MDH1B: variants seen among roughly 807,000 people sequenced by gnomAD.
MDH1B encodes the protein putative malate dehydrogenase 1B.
MDH1B carries 60 observed loss-of-function variants against 61.4 expected under a neutral mutation model. That is an observed-to-expected ratio of 0.98 (90% CI 0.79 to 1.21). The LOEUF is 1.21. MDH1B is among the 50% of genes most tolerant of loss of function. MDH1B has a pLI of 0.00. For synonymous variants in MDH1B, 236 were observed against 218.7 expected, an observed-to-expected ratio of 1.08 and a Z score of -0.70; for missense variants, 587 against 632.1, an observed-to-expected ratio of 0.93 and a Z score of 0.76.
rs764044888 is a variant in MDH1B at position 206,739,648 on chromosome 2, T to C, written c.1473A>G (p.Pro491=). The C allele has an allele frequency of 1.2e-6, 2 of 1,614,070 alleles. No homozygotes were observed. Among genetic ancestry groups the C allele is most frequent in the Admixed American group, 3.3e-5 (2 of 60,006 alleles). The part of the protein sequence containing the change: ...NLAMSDAAEF[P]NQIPQTTFEK... ...CAAAGGTGGTTTGAGGAATCTGATTTGGAAACTCTGCTGCTGCAAATAGAG... is the reference window on the plus strand; with the variant it reads ...CAAAGGTGGTTTGAGGAATCTGATTCGGAAACTCTGCTGCTGCAAATAGAG... Residue 491 remains proline, a synonymous_variant, in exon 11 of 12, where the codon CCA becomes CCG. Transcript: ENST00000374412.
At chr2:206,745,708 C>T in intron 8 of MDH1B, 35 bp from the exon 9 acceptor site, 1 of 1,377,946 alleles carries the variant, frequency 7.3e-7, no homozygotes, top group Non-Finnish European at 1.0e-6. Context: ...ATTAAATGAC[C>T]ACAATTCCTA....
At chr2:206,760,769 A>C (rs2105954865) in intron 2 of MDH1B, 132 bp downstream of exon 2, 1 of 564,370 alleles carries the variant, frequency 1.8e-6, no homozygotes. Context: ...GACTTGTTTT[A>C]CTAGTATTCA....
chr2:206,741,069 G>T lies in MDH1B; in HGVS notation c.1444C>A (p.Leu482Ile), dbSNP rs766729679. ...ACTGACTTACCATCTGACATAGCTAGATTTTTTTCTTCATCAGGGACCAGA... is the reference window on the plus strand; with the variant it reads ...ACTGACTTACCATCTGACATAGCTATATTTTTTTCTTCATCAGGGACCAGA... Reference protein sequence around the residue: ...KDLVPDEEKNLAMSDAAEFPN... With the variant: ...KDLVPDEEKNIAMSDAAEFPN... Residue 482 changes from leucine to isoleucine, a missense_variant, in exon 10 of 12, where the codon CTA becomes ATA. Leu to Ile is a conservative substitution (Grantham distance 5, BLOSUM62 2). Coordinates refer to ENST00000374412, the MANE Select transcript of MDH1B (RefSeq NM_001039845.3). The T allele has an allele frequency of 1.4e-5, 22 of 1,612,964 alleles. No homozygotes were observed. Among genetic ancestry groups the T allele is most frequent in the Non-Finnish European group, 1.8e-5 (21 of 1,179,520 alleles).
intron 2 of MDH1B, 22 bp downstream of exon 2, chr2:206,760,879 A>G: frequency 7.0e-7 from 1 of 1,419,668 alleles, no homozygotes; most frequent in South Asian, 1.2e-5. Context: ...AGTGAGTTCA[A>G]CAAACTATAA....
chr2:206,751,020 C>G lies in MDH1B; in HGVS notation c.966G>C (p.Leu322=). 6.2e-7 allele frequency: 1 copy of G among 1,609,682 alleles called. No individual in the cohort carries two copies. The highest frequency in any genetic ancestry group is 1.1e-5 in the South Asian group (1 of 90,432). The change falls in exon 6 of 12, where the codon CTG becomes CTC. Residue 322 remains leucine (L), a synonymous_variant. Transcript: ENST00000374412. ...CATATCTGTACACCCTTGTTTTTCT[C>G]AGATCAACGTAATTATTTCCACTGA... ...GNISGNNYVD[L]RKTRVYRYES...
intron 9 of MDH1B, 41 bp downstream of exon 9, chr2:206,745,579 CTT>C: frequency 7.0e-7 from 1 of 1,419,858 alleles, no homozygotes; most frequent in Non-Finnish European, 9.9e-7. Context: ...TTTTAATACT[CTT>C]TTAATAGCAG....
At chr2:206,739,566 C>T in intron 11 of MDH1B, 27 bp downstream of exon 11, 1 of 1,593,128 alleles carries the variant, frequency 6.3e-7, no homozygotes, top group Non-Finnish European at 8.6e-7. Flanking sequence ...TAAGAAAATA[C>T]TAGTTAATGT....
chr2:206,764,030 G>T (rs1689270091), intron 1 of MDH1B, among the ~76,000 whole-genome samples: 1 of 152,084 alleles, frequency 6.6e-6, no homozygotes, highest in African/African-American at 2.4e-5. Context: ...CAGGTGTGGT[G>T]GTGCATGCCT....
In MDH1B at chr2:206,755,472, GGGAATTAGGTTGTAGCAGGCA is replaced by G. The variant is rs748221154; in HGVS notation, c.426_446del (p.Ala143_Pro149del). On this transcript the variant is annotated inframe_deletion, in exon 5 of 12. Coordinates refer to ENST00000374412, the MANE Select transcript of MDH1B (RefSeq NM_001039845.3). ...CAAACACTTCGCCACTCGTCAATAT[GGGAATTAGGTTGTAGCAGGCA>G]GGAGCAGAGGCACTGATAAAAATGC... 8 of 1,613,910 alleles carry G rather than the reference GGGAATTAGGTTGTAGCAGGCA, an allele frequency of 5.0e-6. No individual in the cohort carries two copies. In the African/African-American group the frequency reaches 1.1e-4, roughly 22 times the overall value.
At position 206,765,235 on chromosome 2, in the gene MDH1B, G is replaced by C; in HGVS notation, c.22+15C>G. The C allele has an allele frequency of 6.2e-7, 1 of 1,601,478 alleles. No homozygotes were observed. Among genetic ancestry groups the C allele is most frequent in the Non-Finnish European group, 8.5e-7 (1 of 1,175,876 alleles). ...CGTTTTGAGCAATCTGCGGGCGGAC[G>C]CGGGGATCACTCACCCGCGATGACG... On this transcript the variant is annotated intron_variant, in intron 1 of 11. Coordinates refer to ENST00000374412, the MANE Select transcript of MDH1B (RefSeq NM_001039845.3).
In MDH1B at chr2:206,738,239, T is replaced by A. The variant is rs1687599819; in HGVS notation, c.*244A>T. ...TTAATGTAATATAAAAAATAGCATT[T>A]GACACCAAAATAGTTCTAAGAAAAT... On this transcript the variant is annotated 3_prime_UTR_variant, in exon 12 of 12. Transcript: ENST00000374412. 2.8e-6 allele frequency: 1 copy of A among 352,442 alleles called. No homozygotes were observed. Among genetic ancestry groups the A allele is most frequent in the Admixed American group, 4.6e-5 (1 of 21,962 alleles). 21.8% of individuals were successfully genotyped at this position (352,442 alleles called of 1,614,324 possible). A position where few individuals can be genotyped will look rare whatever the true frequency, so the allele number is the denominator to read the frequency against.
In MDH1B at chr2:206,764,855, C is replaced by T. The variant is rs963845973; in HGVS notation, c.22+395G>A. On this transcript the variant is annotated intron_variant, in intron 1 of 11. Transcript: ENST00000374412. ...CTGCTTTTATTTGGAATAGCCTCCT[C>T]AGCTCACACCTTCACAACTCAGCTC... 2.6e-5 allele frequency among the ~76,000 whole-genome samples: 4 copies of T among 152,314 alleles called. No homozygotes were observed. The East Asian group carries it at 7.7e-4, about 29-fold the overall frequency.
At chr2:206,763,163 C>T (rs746899430) in intron 1 of MDH1B, among the ~76,000 whole-genome samples, 6 of 151,566 alleles carry the variant, frequency 4.0e-5, no homozygotes, top group East Asian at 1.9e-4. Flanking sequence ...TGTGCTTAGT[C>T]GCTTATATTT....
intron 10 of MDH1B, 105 bp from the exon 11 acceptor site, chr2:206,739,766 T>G: frequency 4.2e-6 from 4 of 942,700 alleles, no homozygotes; most frequent in Non-Finnish European, 6.6e-6. Context: ...GAGGTTTCTC[T>G]GAATGCATTG....
chr2:206,761,218 C>A (rs1174111553), intron 1 of MDH1B, among the ~76,000 whole-genome samples: 1 of 152,010 alleles, frequency 6.6e-6, no homozygotes, highest in Non-Finnish European at 1.5e-5. Context: ...AGGTCAGAAT[C>A]TTAAGTAACA....
In MDH1B at chr2:206,760,928, T is replaced by G; in HGVS notation, c.108A>C (p.Lys36Asn). 1.2e-6 allele frequency: 2 copies of G among 1,612,172 alleles called. No homozygotes were observed. The highest frequency in any genetic ancestry group is 1.7e-6 in the Non-Finnish European group (2 of 1,178,442). Residue 36 changes from lysine (K) to asparagine (N), a missense_variant, in exon 2 of 12, where the codon AAA becomes AAC. By Grantham distance (94) the Lys-to-Asn change is moderately conservative. Transcript: ENST00000374412. ...CCCAAACCTCAGGACGTTGTGTGAT[T>G]TTATGTATCCGAAAATCAGGAAGAT... ...QKNLPDFRIH[K>N]ITQRPEVWED... is the part of the protein sequence containing the mutation.
At position 206,761,108 on chromosome 2, in the gene MDH1B, G is replaced by A. The variant is rs545274492; in HGVS notation, c.23-95C>T. 3.3e-5 allele frequency: 21 copies of A among 640,582 alleles called. No individual in the cohort carries two copies. In the South Asian group the frequency reaches 4.6e-4, roughly 14 times the overall value. The allele number at this position is 640,582 out of a possible 1,614,324, so 39.7% of individuals were successfully genotyped here. ...CTATGTAATTACAGAATTAGTCATAGTTATGATATAATTTGATAACATAAA... is the reference window on the plus strand; with the variant it reads ...CTATGTAATTACAGAATTAGTCATAATTATGATATAATTTGATAACATAAA... On this transcript the variant is annotated intron_variant, in intron 1 of 11. Transcript: ENST00000374412.
In MDH1B at chr2:206,742,460, C is replaced by A. The variant is rs145209620; in HGVS notation, c.1409-1356G>T. ...GTAGTGGCAACATCCCCTCCCTGAC[C>A]CATGCTGTCATCAGCCTTTCCACCT... On this transcript the variant is annotated intron_variant, in intron 9 of 11. Transcript: ENST00000374412. Among the ~76,000 whole-genome samples, 665 of 152,244 alleles carry A rather than the reference C, an allele frequency of 4.4e-3. 7 individuals carry two copies. Among genetic ancestry groups the A allele is most frequent in the East Asian group, 0.018 (95 of 5,174 alleles).
In MDH1B at chr2:206,755,633, G is replaced by T; in HGVS notation, c.414-128C>A. 2.6e-6 allele frequency: 3 copies of T among 1,170,354 alleles called. No homozygotes were observed. In the South Asian group the frequency reaches 5.0e-5, roughly 19 times the overall value. 72.5% of individuals were successfully genotyped at this position (1,170,354 alleles called of 1,614,324 possible). ...TAATATTTAAATAAGCACACACATA[G>T]CTGCCCTGACATTCTAAGGCTAGAA... On this transcript the variant is annotated intron_variant, in intron 4 of 11. Coordinates refer to ENST00000374412, the MANE Select transcript of MDH1B (RefSeq NM_001039845.3).
Sources: gnomAD v4.1 joint callset for allele counts (sites outside exome capture counted in the v4.1 genomes callset) on GRCh38, gnomAD v4.1.1 for gene constraint, MANE v1.5 for transcripts, NCBI Gene and HGNC (gene_info 2026-07-23, HGNC 2026-07-21) for gene names.